Variants in RAB27B observed in about 807,000 individuals in gnomAD.
RAB27B encodes RAB27B, member RAS oncogene family.
Under a neutral mutation model 24.6 loss-of-function variants are expected in RAB27B, and 15 were observed. The ratio of observed to expected loss-of-function variants is 0.61; its 90% CI spans 0.41 to 0.94. The LOEUF is 0.94. RAB27B is among the 40% of genes least tolerant of loss of function. RAB27B has a pLI of 0.00. For synonymous variants in RAB27B, 105 were observed against 92.5 expected, an observed-to-expected ratio of 1.14 and a Z score of -0.78; for missense variants, 261 against 266.8, an observed-to-expected ratio of 0.98 and a Z score of 0.15.
chr18:54,874,924 A>G (rs1031699458), intron 1 of RAB27B, among the ~76,000 whole-genome samples: 3 of 152,160 alleles, frequency 2.0e-5, no homozygotes, highest in Non-Finnish European at 2.9e-5. Flanking sequence ...GTGTGGGGGG[A>G]AATCATACTA....
intron 1 of RAB27B, among the ~76,000 whole-genome samples, chr18:54,832,830 G>A (rs914255932): frequency 4.6e-5 from 7 of 152,034 alleles, no homozygotes; most frequent in African/African-American, 7.3e-5. Context: ...TGCATGTGGC[G>A]GTGTGGAATC....
chr18:54,845,921 A>G (rs1305299071), intron 1 of RAB27B, among the ~76,000 whole-genome samples: 1 of 152,210 alleles, frequency 6.6e-6, no homozygotes, highest in Non-Finnish European at 1.5e-5. Context: ...GCAGGCATAT[A>G]CAGAGTGGTA....
intron 1 of RAB27B, among the ~76,000 whole-genome samples, chr18:54,831,444 T>C (rs1487839331): frequency 1.3e-5 from 2 of 152,140 alleles, no homozygotes; most frequent in Non-Finnish European, 2.9e-5. Context: ...TTGGCCTTTG[T>C]TTTTTATTCC....
intron 2 of RAB27B, among the ~76,000 whole-genome samples, chr18:54,725,289 T>C (rs1909494903): frequency 6.6e-6 from 1 of 151,518 alleles, no homozygotes; most frequent in Non-Finnish European, 1.5e-5. Flanking sequence ...CGTTAGTTCT[T>C]TTTTTTCTTC....
intron 2 of RAB27B, among the ~76,000 whole-genome samples, chr18:54,814,844 G>A (rs1291596286): frequency 1.3e-5 from 2 of 152,172 alleles, no homozygotes; most frequent in African/African-American, 2.4e-5. Flanking sequence ...TACTGAATGA[G>A]GCTATGTTCA....
chr18:54,860,389 G>A (rs918818109), intron 1 of RAB27B, among the ~76,000 whole-genome samples: 2 of 152,030 alleles, frequency 1.3e-5, no homozygotes, highest in African/African-American at 2.4e-5. Context: ...CATCTAAGCC[G>A]AATCTCCTGT....
chr18:54,887,537 G>A (rs1361511411), intron 4 of RAB27B, among the ~76,000 whole-genome samples: 1 of 152,010 alleles, frequency 6.6e-6, no homozygotes, highest in African/African-American at 2.4e-5. Flanking sequence ...ATCTTCCAGA[G>A]GAATATATGT....
At chr18:54,724,383 C>T (rs1909462944) in intron 2 of RAB27B, among the ~76,000 whole-genome samples, 1 of 151,446 alleles carries the variant, frequency 6.6e-6, no homozygotes, top group South Asian at 2.1e-4. Flanking sequence ...TTAGGCTACA[C>T]TAAAGGGAAC....
rs1481027932 is a variant in RAB27B at position 54,890,650 on chromosome 18, C to T, written c.*1237C>T. 6.6e-6 allele frequency: 1 copy of T among 152,086 alleles called. No individual in the cohort carries two copies. The highest frequency in any genetic ancestry group is 2.4e-5 in the African/African-American group (1 of 41,430). The allele number at this position is 152,086 out of a possible 1,614,324, so 9.4% of individuals were successfully genotyped here. A position where few individuals can be genotyped will look rare whatever the true frequency, so the allele number is the denominator to read the frequency against. On this transcript the variant is annotated 3_prime_UTR_variant, in exon 6 of 6. Coordinates refer to ENST00000262094, the MANE Select transcript of RAB27B (RefSeq NM_004163.4). ...CTCTGAATTTTCATGTCATTAATCACATAAAAATTGATAATACCTCATTCT... is the reference window on the plus strand; with the variant it reads ...CTCTGAATTTTCATGTCATTAATCATATAAAAATTGATAATACCTCATTCT...
At chr18:54,720,055 A>T (rs1410621196) in intron 2 of RAB27B, among the ~76,000 whole-genome samples, 2 of 152,112 alleles carry the variant, frequency 1.3e-5, no homozygotes, top group Non-Finnish European at 2.9e-5. Flanking sequence ...TGAATTTTGA[A>T]CTTTCTTCCT....
chr18:54,727,796 G>A (rs62091631), intron 2 of RAB27B, among the ~76,000 whole-genome samples: 7,111 of 152,154 alleles, frequency 0.047, 232 homozygotes, highest in Non-Finnish European at 0.067. Context: ...TATATGTTTC[G>A]TTTCAGCATC....
intron 1 of RAB27B, among the ~76,000 whole-genome samples, chr18:54,857,516 A>C (rs2145230109): frequency 6.6e-6 from 1 of 152,360 alleles, no homozygotes; most frequent in Non-Finnish European, 1.5e-5. Flanking sequence ...TTGTATTGTA[A>C]ATTCTATATA....
chr18:54,749,604 C>G lies in RAB27B; in HGVS notation c.-20+31463C>G, dbSNP rs137960792. 9.2e-5 allele frequency among the ~76,000 whole-genome samples: 14 copies of G among 152,258 alleles called. No individual in the cohort carries two copies. The East Asian group carries it at 2.3e-3, about 25-fold the overall frequency. ...CAGAGGAGTTCTCTAGATTGTGTTT[C>G]ACTTCCACCTACAAAGAAAACTGAA... On this transcript the variant is annotated intron_variant, in intron 2 of 4. Coordinates refer to the RAB27B transcript ENST00000586570.
intron 4 of RAB27B, among the ~76,000 whole-genome samples, chr18:54,886,830 A>C (rs7239169): frequency 6.6e-6 from 1 of 152,100 alleles, no homozygotes; most frequent in East Asian, 1.9e-4. Flanking sequence ...GGTGTTACAG[A>C]GTTAGCCTTT....
rs1353538865 is a variant in RAB27B, at chr18:54,766,672, T to C, written c.-20+48531T>C. Among the ~76,000 whole-genome samples, 8 of 152,256 alleles carry C rather than the reference T, an allele frequency of 5.3e-5. No homozygotes were observed. In the East Asian group the frequency reaches 1.5e-3, roughly 29 times the overall value. On this transcript the variant is annotated intron_variant, in intron 2 of 4. Coordinates refer to the RAB27B transcript ENST00000586570. ...AATATGCCTAAAGACATAGGCGTAGTGTATGAAATATTAGAAATCTATGGT... is the reference window on the plus strand; with the variant it reads ...AATATGCCTAAAGACATAGGCGTAGCGTATGAAATATTAGAAATCTATGGT...
At chr18:54,733,851 A>T (rs1909807548) in intron 2 of RAB27B, among the ~76,000 whole-genome samples, 1 of 150,948 alleles carries the variant, frequency 6.6e-6, no homozygotes, top group South Asian at 2.1e-4. Flanking sequence ...ACAGTGATTT[A>T]GGCGGTTAAG....
intron 2 of RAB27B, among the ~76,000 whole-genome samples, chr18:54,736,916 A>G (rs975144520): frequency 1.3e-5 from 2 of 152,186 alleles, no homozygotes; most frequent in African/African-American, 4.8e-5. Flanking sequence ...ACACTCACCC[A>G]TGGGATGTAA....
chr18:54,890,989 T>TG lies in RAB27B; in HGVS notation c.*1576_*1577insG, dbSNP rs1314275669. The TG allele has an allele frequency of 6.6e-6, 1 of 151,162 alleles. No individual in the cohort carries two copies. The allele number at this position is 151,162 out of a possible 1,614,324, so 9.4% of individuals were successfully genotyped here. A position where few individuals can be genotyped will look rare whatever the true frequency, so the allele number is the denominator to read the frequency against. The stretch of plus-strand genomic sequence containing the variant: ...AATAACAAAGACAATATATTTTCGT[T>TG]TTTTTTTATTATGAGCATATGATTT... On this transcript the variant is annotated 3_prime_UTR_variant, in exon 6 of 6. Coordinates refer to ENST00000262094, the MANE Select transcript of RAB27B (RefSeq NM_004163.4).
intron 1 of RAB27B, among the ~76,000 whole-genome samples, chr18:54,866,116 A>C (rs550405447): frequency 1.3e-5 from 2 of 152,276 alleles, no homozygotes; most frequent in African/African-American, 4.8e-5. Context: ...CAGAATCACT[A>C]TGAGTGTGTT....
Sources: allele counts gnomAD v4.1 joint callset (sites outside exome capture counted in the v4.1 genomes callset), GRCh38; gene constraint gnomAD v4.1.1; transcripts MANE v1.5; gene names NCBI Gene and HGNC (gene_info 2026-07-23, HGNC 2026-07-21).